RNF13: variants seen among roughly 807,000 people sequenced by gnomAD.
The protein encoded by RNF13 is ring finger protein 13.
A neutral mutation model predicts 37.7 loss-of-function variants in RNF13; 19 were observed. That is an observed-to-expected ratio of 0.50 (90% CI 0.35 to 0.74). RNF13 has a LOEUF of 0.74. RNF13 is among the 30% of genes least tolerant of loss of function. The probability of loss-of-function intolerance (pLI) is 0.01; values close to 1 mark genes in which losing one functional copy is unlikely to be tolerated. For missense variants in RNF13, 375 were observed against 453.0 expected (o/e 0.83, Z 1.56); for synonymous variants, 144 against 157.8 (o/e 0.91, Z 0.65).
intron 3 of RNF13, among the ~76,000 whole-genome samples, chr3:149,867,423 G>A (rs761376392): frequency 6.6e-5 from 10 of 151,368 alleles, no homozygotes; most frequent in East Asian, 3.9e-4. Context: ...CCACCACCAC[G>A]CCCGGCTAAT....
At chr3:149,841,660 C>T (rs560732951) in intron 1 of RNF13, among the ~76,000 whole-genome samples, 1 of 152,132 alleles carries the variant, frequency 6.6e-6, no homozygotes, top group East Asian at 1.9e-4. Flanking sequence ...TGCTCTGTTG[C>T]TCAGGCTGGA....
At chr3:149,820,961 A>T (rs1719944933) in intron 1 of RNF13, among the ~76,000 whole-genome samples, 1 of 152,208 alleles carries the variant, frequency 6.6e-6, no homozygotes, top group African/African-American at 2.4e-5. Flanking sequence ...ACCCACATGT[A>T]GCATATATCA....
At chr3:149,849,417 G>T (rs1212709308) in intron 2 of RNF13, among the ~76,000 whole-genome samples, 1 of 152,170 alleles carries the variant, frequency 6.6e-6, no homozygotes, top group Non-Finnish European at 1.5e-5. Context: ...AATGGGTGGT[G>T]GTGTGAATGG....
intron 1 of RNF13, among the ~76,000 whole-genome samples, chr3:149,814,493 C>T (rs1390657523): frequency 6.6e-6 from 1 of 152,046 alleles, no homozygotes; most frequent in East Asian, 1.9e-4. Context: ...AAGTGTAGTG[C>T]AGTGCTGTAG....
At chr3:149,817,957 C>T (rs557577284) in intron 1 of RNF13, among the ~76,000 whole-genome samples, 3 of 152,268 alleles carry the variant, frequency 2.0e-5, no homozygotes, top group African/African-American at 7.2e-5. Context: ...GGTTTCCTTT[C>T]TTGGAAGGTT....
chr3:149,871,887 G>A (rs934002484), intron 3 of RNF13, 142 bp from the exon 4 acceptor site: 12 of 513,670 alleles, frequency 2.3e-5, no homozygotes, highest in Admixed American at 3.9e-5. Flanking sequence ...TAGAAGTTCC[G>A]TGATTGTGAG....
Position 149,960,074 on chromosome 3 carries a change from G to A in RNF13, c.719G>A (p.Cys240Tyr), listed in dbSNP as rs745656441. The change falls in exon 9 of 10, where the codon TGT becomes TAT. Residue 240 changes from cysteine (C) to tyrosine (Y), a missense_variant. Physicochemically the swap from Cys to Tyr is radical, Grantham distance 194. Transcript: ENST00000392894. ...TTTTCAGGAGATGAGTATGATGTAT[G>A]TGCCATTTGTTTGGATGAGTATGAA... ...KFKKGDEYDV[C>Y]AICLDEYEDG... 6.2e-7 allele frequency: 1 copy of A among 1,611,870 alleles called. No homozygotes were observed. Among genetic ancestry groups the A allele is most frequent in the Non-Finnish European group, 8.5e-7 (1 of 1,178,046 alleles).
At chr3:149,920,393 G>A (rs572941257) in intron 7 of RNF13, among the ~76,000 whole-genome samples, 8 of 151,574 alleles carry the variant, frequency 5.3e-5, no homozygotes, top group South Asian at 2.1e-4. Flanking sequence ...ACGGCAATGC[G>A]CCAGGCTAAT....
intron 1 of RNF13, chr3:149,845,796 A>G: frequency 2.5e-6 from 1 of 395,196 alleles, no homozygotes; most frequent in Non-Finnish European, 4.5e-6. Context: ...CTTTGTCATC[A>G]TGAGTTACAT....
chr3:149,852,964 A>G (rs1237028260), intron 3 of RNF13, among the ~76,000 whole-genome samples: 1 of 151,946 alleles, frequency 6.6e-6, no homozygotes, highest in Middle Eastern at 3.2e-3. Flanking sequence ...TTTAACACTA[A>G]TAGAAACATG....
In RNF13 at chr3:149,921,153, A is replaced by G. The variant is rs759661556; in HGVS notation, c.626A>G (p.Asp209Gly). The change falls in exon 8 of 10, where the codon GAT becomes GGT. Residue 209 changes from aspartate (D) to glycine (G), a missense_variant. Asp to Gly is a moderately conservative substitution (Grantham distance 94). Transcript: ENST00000392894. ...VIFMITKFVQ[D>G]RHRARRNRLR... is the part of the protein sequence containing the mutation. Reference sequence around the variant, plus strand: ...TTTTAGATCACAAAATTTGTCCAGGATAGACATAGAGCTAGAAGAAACAGA... The same window carrying G: ...TTTTAGATCACAAAATTTGTCCAGGGTAGACATAGAGCTAGAAGAAACAGA... The G allele has an allele frequency of 7.1e-7, 1 of 1,399,430 alleles. No homozygotes were observed. The highest frequency in any genetic ancestry group is 9.4e-7 in the Non-Finnish European group (1 of 1,058,826). 86.7% of individuals were successfully genotyped at this position (1,399,430 alleles called of 1,614,324 possible).
intron 7 of RNF13, among the ~76,000 whole-genome samples, chr3:149,913,382 G>C (rs1717181626): frequency 6.6e-6 from 1 of 152,118 alleles, no homozygotes; most frequent in Non-Finnish European, 1.5e-5. Context: ...TTTACAGAAA[G>C]TTTGCAAAGA....
chr3:149,860,345 T>C (rs1380099839), intron 3 of RNF13, among the ~76,000 whole-genome samples: 1 of 148,372 alleles, frequency 6.7e-6, no homozygotes, highest in Non-Finnish European at 1.5e-5. Context: ...TACACACATA[T>C]ATACATATTA....
chr3:149,914,949 A>G (rs1341236080), intron 7 of RNF13, among the ~76,000 whole-genome samples: 1 of 152,118 alleles, frequency 6.6e-6, no homozygotes, highest in African/African-American at 2.4e-5. Context: ...AAAAAAAAAA[A>G]AAGTCAAGAA....
chr3:149,897,456 T>C (rs558889061), intron 5 of RNF13, among the ~76,000 whole-genome samples: 1 of 152,328 alleles, frequency 6.6e-6, no homozygotes, highest in Non-Finnish European at 1.5e-5. Context: ...TGTAAAACCT[T>C]TTTGTGATAA....
intron 8 of RNF13, among the ~76,000 whole-genome samples, chr3:149,955,431 G>C (rs1346202028): frequency 6.6e-6 from 1 of 151,892 alleles, no homozygotes; most frequent in Non-Finnish European, 1.5e-5. Flanking sequence ...GGCAAATCTG[G>C]CTTTTTAAAA....
rs2108390860 is a variant in RNF13, at chr3:149,852,542, A to T, written c.141A>T (p.Thr47=). 6.4e-7 allele frequency: 1 copy of T among 1,561,652 alleles called. No homozygotes were observed. Among genetic ancestry groups the T allele is most frequent in the East Asian group, 2.3e-5 (1 of 43,142 alleles). ...ATAACTTTGAAAATGCATCTCAGAC[A>T]TTTGATGACCTCCCTGCAAGATTTG... ...LAYNFENASQ[T]FDDLPARFGY... The change falls in exon 3 of 10, where the codon ACA becomes ACT. Residue 47 remains threonine, a synonymous_variant. Transcript: ENST00000392894.
chr3:149,866,533 T>A (rs901086390), intron 3 of RNF13, among the ~76,000 whole-genome samples: 6 of 152,240 alleles, frequency 3.9e-5, no homozygotes, highest in African/African-American at 1.2e-4. Flanking sequence ...GACCTGTGTC[T>A]AGTGCTGACC....
chr3:149,886,173 A>C (rs1056639398), intron 4 of RNF13, among the ~76,000 whole-genome samples: 1 of 152,130 alleles, frequency 6.6e-6, no homozygotes, highest in Admixed American at 6.6e-5. Context: ...TGATTCCTTC[A>C]GTTTTGTTCT....
Sources: gnomAD v4.1 joint callset for allele counts (sites outside exome capture counted in the v4.1 genomes callset) on GRCh38, gnomAD v4.1.1 for gene constraint, MANE v1.5 for transcripts, NCBI Gene and HGNC (gene_info 2026-07-23, HGNC 2026-07-21) for gene names.